Variants in ZNF879 observed in about 807,000 individuals in gnomAD.
The protein encoded by ZNF879 is zinc finger protein 879.
ZNF879 carries 32 observed loss-of-function variants against 44.3 expected under a neutral mutation model. The observed-to-expected ratio is 0.72, with a 90% CI of 0.54 to 0.97. The LOEUF is 0.97. Ranked by LOEUF, ZNF879 falls within the 50% of genes least tolerant of loss-of-function variation. ZNF879 has a pLI of 0.00. For missense variants in ZNF879, 621 were observed against 669.7 expected (o/e 0.93, Z 0.80); for synonymous variants, 234 against 233.2 (o/e 1.00, Z -0.03).
Position 179,032,989 on chromosome 5 carries a change from T to G in ZNF879, c.1041T>G (p.Thr347=), listed in dbSNP as rs986737354. The change falls in exon 5 of 5, where the codon ACT becomes ACG. Residue 347 remains threonine (T), a synonymous_variant. Transcript: ENST00000444149. ...CTGGGGAGAAACCGTATGAATGTACTCAGTGTGGGAAAGCCTTCACTTCAA... is the reference window on the plus strand; with the variant it reads ...CTGGGGAGAAACCGTATGAATGTACGCAGTGTGGGAAAGCCTTCACTTCAA... ...IHTGEKPYEC[T]QCGKAFTSIS... The G allele has an allele frequency of 1.9e-6, 3 of 1,556,704 alleles. No individual in the cohort carries two copies. The highest frequency in any genetic ancestry group is 2.6e-6 in the Non-Finnish European group (3 of 1,150,068).
intron 1 of ZNF879, 145 bp from the exon 2 acceptor site, chr5:179,024,824 GC>G: frequency 1.6e-6 from 1 of 612,100 alleles, no homozygotes; most frequent in Non-Finnish European, 2.9e-6. Flanking sequence ...GGTTTAAGTG[GC>G]CGGACTTAGG....
intron 2 of ZNF879, among the ~76,000 whole-genome samples, chr5:179,026,322 T>C (rs1761268251): frequency 6.6e-6 from 1 of 152,210 alleles, no homozygotes; most frequent in South Asian, 2.1e-4. Context: ...AATGTGATTT[T>C]ATTTTTATTT....
intron 4 of ZNF879, among the ~76,000 whole-genome samples, chr5:179,029,339 T>C (rs572835192): frequency 6.6e-6 from 1 of 152,336 alleles, no homozygotes; most frequent in South Asian, 2.1e-4. Flanking sequence ...GGCACTTTAC[T>C]GGCCTCTTTG....
At chr5:179,026,308 G>T (rs1175183345) in intron 2 of ZNF879, among the ~76,000 whole-genome samples, 3 of 152,102 alleles carry the variant, frequency 2.0e-5, no homozygotes, top group African/African-American at 7.2e-5. Flanking sequence ...GCTGTTATTT[G>T]TATAATGTGA....
Position 179,034,211 on chromosome 5 carries a change from A to G in ZNF879, c.*571A>G, listed in dbSNP as rs902673670. On this transcript the variant is annotated 3_prime_UTR_variant, in exon 5 of 5. Coordinates refer to ENST00000444149, the MANE Select transcript of ZNF879 (RefSeq NM_001136116.3). ...ATTCACCTGAGAAGAAAATCACTCC[A>G]TAAACTATGCAGACGTACTGTCTTT... 1 of 151,784 alleles carries G rather than the reference A, an allele frequency of 6.6e-6. No individual in the cohort carries two copies. Among genetic ancestry groups the G allele is most frequent in the African/African-American group, 2.4e-5 (1 of 41,404 alleles). The allele number at this position is 151,784 out of a possible 1,614,324, so 9.4% of individuals were successfully genotyped here. A position where few individuals can be genotyped will look rare whatever the true frequency, so the allele number is the denominator to read the frequency against.
chr5:179,032,150 G>A (rs1194151250), intron 4 of ZNF879, 55 bp from the exon 5 acceptor site: 3 of 1,303,078 alleles, frequency 2.3e-6, no homozygotes, highest in Admixed American at 6.2e-5. Context: ...GCGTTTTTAT[G>A]TCACTTTTTA....
At chr5:179,025,210 C>CTT (rs535303170) in intron 2 of ZNF879, among the ~76,000 whole-genome samples, 173 bp downstream of exon 2, 14 of 143,394 alleles carry the variant, frequency 9.8e-5, no homozygotes, top group African/African-American at 2.3e-4. Context: ...CTGTCTCATG[C>CTT]TTTTTTTTTT....
Position 179,026,144 on chromosome 5 carries a change from G to A in ZNF879, c.33+1107G>A, listed in dbSNP as rs1423335430. On this transcript the variant is annotated intron_variant, in intron 2 of 4. Transcript: ENST00000444149. ...TGTCTGAAGGAGATAAGCTTTGTAC[G>A]CCTTTGTGATTCTGTACAGGATGCT... is the stretch of plus-strand genomic sequence containing the variant. 2.0e-5 allele frequency among the ~76,000 whole-genome samples: 3 copies of A among 151,268 alleles called. No individual in the cohort carries two copies. The East Asian group carries it at 5.8e-4, about 29-fold the overall frequency.
In ZNF879 at chr5:179,032,369, G is replaced by T. The variant is rs1162009610; in HGVS notation, c.421G>T (p.Val141Leu). The T allele has an allele frequency of 1.9e-6, 3 of 1,551,224 alleles. No individual in the cohort carries two copies. The African/African-American group carries it at 4.1e-5, about 21-fold the overall frequency. ...CAAAAAGAACAGACTTTTCAGTAAA[G>T]TGTTAGTTACCATCAAAAAAGTCTA... ...QGKKNRLFSKVLVTIKKVYMK... is the reference protein window; with the variant it reads ...QGKKNRLFSKLLVTIKKVYMK... The change falls in exon 5 of 5, where the codon GTG (valine) becomes TTG (leucine). Residue 141 changes from valine to leucine, a missense_variant. By Grantham distance (32) the Val-to-Leu change is conservative. Coordinates refer to ENST00000444149, the MANE Select transcript of ZNF879 (RefSeq NM_001136116.3).
intron 2 of ZNF879, among the ~76,000 whole-genome samples, chr5:179,025,513 A>C (rs1371845311): frequency 6.6e-6 from 1 of 152,218 alleles, no homozygotes; most frequent in African/African-American, 2.4e-5. Context: ...TTTTTGACAA[A>C]GAATTTAATG....
In ZNF879 at chr5:179,026,687, C is replaced by G. The variant is rs544882672; in HGVS notation, c.34-786C>G. ...TATTTTTTGCAGAGATGAGGTCTCT[C>G]TATGTTGCCCAGGCCGGTCTTGAAC... On this transcript the variant is annotated intron_variant, in intron 2 of 4. Coordinates refer to ENST00000444149, the MANE Select transcript of ZNF879 (RefSeq NM_001136116.3). Among the ~76,000 whole-genome samples the G allele has an allele frequency of 1.5e-4, 23 of 152,294 alleles. No individual in the cohort carries two copies. In the South Asian group the frequency reaches 4.8e-3, roughly 32 times the overall value.
intron 4 of ZNF879, among the ~76,000 whole-genome samples, 155 bp downstream of exon 4, chr5:179,028,282 T>G (rs1448805520): frequency 1.3e-5 from 2 of 152,236 alleles, no homozygotes; most frequent in African/African-American, 4.8e-5. Flanking sequence ...ATCCATCATG[T>G]TCAGAGGAGG....
In ZNF879 at chr5:179,033,272, C is replaced by T. The variant is rs760674313; in HGVS notation, c.1324C>T (p.Arg442Trp). ...ECGKAFSWIS[R>W]LNIHHRIHTG... ...TGGGAAAGCCTTCTCTTGGATTTCACGGCTTAATATACATCACAGAATTCA... is the reference window on the plus strand; with the variant it reads ...TGGGAAAGCCTTCTCTTGGATTTCATGGCTTAATATACATCACAGAATTCA... The change falls in exon 5 of 5, where the codon CGG becomes TGG. Residue 442 changes from arginine (R) to tryptophan (W), a missense_variant. Arg to Trp is a moderately radical substitution (Grantham distance 101). Transcript: ENST00000444149. 1.3e-5 allele frequency: 20 copies of T among 1,581,388 alleles called. No homozygotes were observed. Among genetic ancestry groups the T allele is most frequent in the Admixed American group, 9.1e-5 (5 of 54,726 alleles).
At position 179,033,757 on chromosome 5, in the gene ZNF879, T is replaced by A; in HGVS notation, c.*117T>A. ...TTAATCATAGGTAAAACTTCAGCAT[T>A]AGACCTCATCACACATCAGAGACTT... On this transcript the variant is annotated 3_prime_UTR_variant, in exon 5 of 5. Transcript: ENST00000444149. 1.4e-6 allele frequency: 1 copy of A among 714,214 alleles called. No homozygotes were observed. 44.2% of individuals were successfully genotyped at this position (714,214 alleles called of 1,614,324 possible).
In ZNF879 at chr5:179,032,052, CAT is replaced by C. The variant is rs113522329; in HGVS notation, c.257-152_257-151del. Among the ~76,000 whole-genome samples the C allele has an allele frequency of 7.4e-3, 1,132 of 152,290 alleles. 13 individuals carry two copies. The highest frequency in any genetic ancestry group is 0.026 in the African/African-American group (1,076 of 41,560). Reference sequence around the variant, plus strand: ...GGTTTCTTCAGACCCTTCCCACCCACATGTCTGTCATCCTGCTTCCTTCCTCC... The same window carrying C: ...GGTTTCTTCAGACCCTTCCCACCCACGTCTGTCATCCTGCTTCCTTCCTCC... On this transcript the variant is annotated intron_variant, in intron 4 of 4. Transcript: ENST00000444149.
intron 4 of ZNF879, 69 bp downstream of exon 4, chr5:179,028,196 C>T (rs1761322163): frequency 7.9e-6 from 11 of 1,398,056 alleles, no homozygotes; most frequent in African/African-American, 1.4e-5. Context: ...GAGGAGGCTG[C>T]GCTCAAGGGT....
At position 179,033,678 on chromosome 5, in the gene ZNF879, A is replaced by G. The variant is rs898721296; in HGVS notation, c.*38A>G. 2.2e-5 allele frequency: 31 copies of G among 1,389,430 alleles called. No individual in the cohort carries two copies. The highest frequency in any genetic ancestry group is 3.0e-5 in the Non-Finnish European group (31 of 1,043,260). 86.1% of individuals were successfully genotyped at this position (1,389,430 alleles called of 1,614,324 possible). A position where few individuals can be genotyped will look rare whatever the true frequency, so the allele number is the denominator to read the frequency against. ...AAATGCATGTAGGAACTGAAGTTAT[A>G]TTCCATACTGAGTATCAAAAAATTC... is the stretch of plus-strand genomic sequence containing the variant. On this transcript the variant is annotated 3_prime_UTR_variant, in exon 5 of 5. Coordinates refer to ENST00000444149, the MANE Select transcript of ZNF879 (RefSeq NM_001136116.3).
chr5:179,033,291 G>T lies in ZNF879; in HGVS notation c.1343G>T (p.Arg448Ile), dbSNP rs1383749755. Residue 448 changes from arginine to isoleucine, a missense_variant, in exon 5 of 5, where the codon AGA becomes ATA. Coordinates refer to ENST00000444149, the MANE Select transcript of ZNF879 (RefSeq NM_001136116.3). ...SWISRLNIHH[R>I]IHTGEKPYNC... ...ATTTCACGGCTTAATATACATCACA[G>T]AATTCACACTGGAGAGAAACCATAT... 1 of 1,578,898 alleles carries T rather than the reference G, an allele frequency of 6.3e-7. No individual in the cohort carries two copies. The highest frequency in any genetic ancestry group is 1.8e-5 in the Admixed American group (1 of 54,260).
At chr5:179,024,867 T>C (rs1276090148) in intron 1 of ZNF879, 103 bp from the exon 2 acceptor site, 9 of 889,838 alleles carry the variant, frequency 1.0e-5, no homozygotes, top group Admixed American at 2.3e-5. Context: ...CCAGGCTCCT[T>C]CTCTGCAGGT....
Sources: gnomAD v4.1 joint callset for allele counts (sites outside exome capture counted in the v4.1 genomes callset) on GRCh38, gnomAD v4.1.1 for gene constraint, MANE v1.5 for transcripts, NCBI Gene and HGNC (gene_info 2026-07-23, HGNC 2026-07-21) for gene names.